Variants in RBFOX1 observed in about 807,000 individuals in gnomAD.
The protein encoded by RBFOX1 is RNA binding protein fox-1 homolog 1.
Under a neutral mutation model 57.7 loss-of-function variants are expected in RBFOX1, and 8 were observed. That is an observed-to-expected ratio of 0.14 (90% CI 0.08 to 0.25). The LOEUF (loss-of-function observed/expected upper bound fraction) is 0.25, where lower values mean the gene tolerates loss of function less well. Ranked by LOEUF, RBFOX1 falls within the 10% of genes least tolerant of loss-of-function variation. The probability of loss-of-function intolerance (pLI) is 1.00; values close to 1 mark genes in which losing one functional copy is unlikely to be tolerated. For missense variants in RBFOX1, 611 were observed against 548.5 expected (o/e 1.11, Z -1.14); for synonymous variants, 326 against 222.4 (o/e 1.47, Z -4.15).
intron 2 of RBFOX1, among the ~76,000 whole-genome samples, chr16:6,628,078 C>T (rs2098333965): frequency 6.6e-6 from 1 of 152,192 alleles, no homozygotes; most frequent in South Asian, 2.1e-4. Flanking sequence ...CCCAGCCAGG[C>T]TCCCTTCTCT....
chr16:6,132,628 T>A (rs1484957692), intron 1 of RBFOX1, among the ~76,000 whole-genome samples: 1 of 152,126 alleles, frequency 6.6e-6, no homozygotes, highest in East Asian at 1.9e-4. Flanking sequence ...CATTTCAAAT[T>A]AGCGAAGGTG....
At chr16:6,782,612 T>G (rs1039170635) in intron 3 of RBFOX1, among the ~76,000 whole-genome samples, 3 of 152,160 alleles carry the variant, frequency 2.0e-5, no homozygotes, top group African/African-American at 7.2e-5. Flanking sequence ...GATTTGGATT[T>G]TTCTGAATTT....
At chr16:6,287,559 C>T (rs971389068) in intron 1 of RBFOX1, among the ~76,000 whole-genome samples, 2 of 152,058 alleles carry the variant, frequency 1.3e-5, no homozygotes, top group African/African-American at 4.8e-5. Flanking sequence ...ACTGCTAACA[C>T]AGGGCAGTGC....
chr16:7,482,893 G>T (rs556378239), intron 4 of RBFOX1, among the ~76,000 whole-genome samples: 6 of 152,066 alleles, frequency 3.9e-5, no homozygotes, highest in African/African-American at 1.4e-4. Context: ...GACTGAGAGG[G>T]GGGCAGCTTT....
At chr16:7,073,669 C>A (rs973724507) in intron 4 of RBFOX1, among the ~76,000 whole-genome samples, 2 of 151,834 alleles carry the variant, frequency 1.3e-5, no homozygotes, top group Non-Finnish European at 2.9e-5. Flanking sequence ...CATGGCAAAA[C>A]CCCTTCTCTA....
At chr16:5,636,105 T>C (rs924897497) in intron 3 of RBFOX1, among the ~76,000 whole-genome samples, 1 of 151,888 alleles carries the variant, frequency 6.6e-6, no homozygotes, top group Non-Finnish European at 1.5e-5. Context: ...CCCAGCACTT[T>C]GGGAGGCAAA....
intron 2 of RBFOX1, among the ~76,000 whole-genome samples, chr16:5,534,282 A>C (rs1341815404): frequency 6.6e-6 from 1 of 152,218 alleles, no homozygotes; most frequent in Non-Finnish European, 1.5e-5. Context: ...CAGAACTAAC[A>C]GGATATATGT....
intron 4 of RBFOX1, among the ~76,000 whole-genome samples, chr16:7,213,062 A>C (rs1199605993): frequency 6.6e-6 from 1 of 152,208 alleles, no homozygotes; most frequent in African/African-American, 2.4e-5. Context: ...AATGAAAGCC[A>C]GAGATTGGAA....
chr16:5,826,102 A>G (rs569111496), intron 3 of RBFOX1, among the ~76,000 whole-genome samples: 10 of 147,572 alleles, frequency 6.8e-5, no homozygotes, highest in Non-Finnish European at 7.5e-5. Flanking sequence ...TGAATAAGGA[A>G]TAATATTCCT....
intron 2 of RBFOX1, among the ~76,000 whole-genome samples, chr16:6,352,057 T>G (rs569903051): frequency 1.1e-4 from 17 of 152,170 alleles, no homozygotes; most frequent in Non-Finnish European, 2.4e-4. Context: ...GGGAGAGACA[T>G]TAGAATGAGC....
At chr16:7,094,603 TGG>T (rs532192405) in intron 4 of RBFOX1, among the ~76,000 whole-genome samples, 204 of 150,880 alleles carry the variant, frequency 1.4e-3, no homozygotes, top group African/African-American at 4.7e-3. Flanking sequence ...TCCCTTGACT[TGG>T]GGACTCCTGC....
intron 4 of RBFOX1, among the ~76,000 whole-genome samples, chr16:7,076,604 C>A (rs547770048): frequency 7.6e-4 from 115 of 152,246 alleles, no homozygotes; most frequent in African/African-American, 2.7e-3. Context: ...ACTGCTTTAG[C>A]AAAACTTTAT....
chr16:6,096,752 A>G (rs2096249468), intron 1 of RBFOX1, among the ~76,000 whole-genome samples: 1 of 152,254 alleles, frequency 6.6e-6, no homozygotes, highest in Non-Finnish European at 1.5e-5. Context: ...TAGAGCTATA[A>G]AAATACTAAA....
chr16:7,209,376 G>C (rs1603208529), intron 4 of RBFOX1, among the ~76,000 whole-genome samples: 2 of 152,106 alleles, frequency 1.3e-5, no homozygotes, highest in South Asian at 4.2e-4. Context: ...TTCTTATAAG[G>C]ACACCAGTTA....
At chr16:5,933,945 C>A (rs2059119613) in intron 4 of RBFOX1, among the ~76,000 whole-genome samples, 1 of 152,070 alleles carries the variant, frequency 6.6e-6, no homozygotes, top group South Asian at 2.1e-4. Context: ...CTCCCTCCTC[C>A]CACCCTCCAC....
Position 5,663,358 on chromosome 16 carries a change from C to A in RBFOX1, c.318+64397C>A, listed in dbSNP as rs545889836. 4.1e-3 allele frequency among the ~76,000 whole-genome samples: 629 copies of A among 152,062 alleles called. 4 individuals carry two copies. Among genetic ancestry groups the A allele is most frequent in the African/African-American group, 0.014 (593 of 41,474 alleles). On this transcript the variant is annotated intron_variant, in intron 3 of 19. Coordinates refer to the RBFOX1 transcript ENST00000641259. ...TAGTTGAGACCACAGGCACATGCCA[C>A]CATGCCCAGCTAATTTTTTTTTTTT...
chr16:5,709,841 ATATTTTTTTTTTTTTTTTTTTTT>A (rs2051413137), intron 3 of RBFOX1, among the ~76,000 whole-genome samples: 1 of 5,698 alleles, frequency 1.8e-4, no homozygotes, highest in South Asian at 0.012. Flanking sequence ...ATATATATAT[ATATTTTTTTTTTTTTTTTTTTTT>A]TTTTTTTTTT....
In RBFOX1 at chr16:7,026,567, G is replaced by A. The variant is rs74008511; in HGVS notation, c.-15-25490G>A. 6.6e-3 allele frequency among the ~76,000 whole-genome samples: 996 copies of A among 151,342 alleles called. 14 individuals carry two copies. The highest frequency in any genetic ancestry group is 0.023 in the African/African-American group (939 of 41,158). On this transcript the variant is annotated intron_variant, in intron 3 of 15. Coordinates refer to ENST00000550418, the MANE Select transcript of RBFOX1 (RefSeq NM_018723.4). ...CAGCTGCTTCATACGGCTTCTCCCC[G>A]TCCCCTCTCCTGGCAGCTGTGGCGT...
chr16:6,646,429 G>A (rs1216900127), intron 2 of RBFOX1, among the ~76,000 whole-genome samples: 1 of 152,038 alleles, frequency 6.6e-6, no homozygotes, highest in Admixed American at 6.6e-5. Context: ...TTAGGGAAAT[G>A]GCGAGAGCTC....
Sources: gnomAD v4.1 joint callset for allele counts (sites outside exome capture counted in the v4.1 genomes callset) on GRCh38, gnomAD v4.1.1 for gene constraint, MANE v1.5 for transcripts, NCBI Gene and HGNC (gene_info 2026-07-23, HGNC 2026-07-21) for gene names.